The following ACACA variants were observed in gnomAD, a reference collection of about 807,000 sequenced individuals.
The protein encoded by ACACA is acetyl-CoA carboxylase alpha.
A neutral mutation model predicts 296.1 loss-of-function variants in ACACA; 103 were observed. That is an observed-to-expected ratio of 0.35 (90% CI 0.30 to 0.41). The LOEUF (loss-of-function observed/expected upper bound fraction) is 0.41, where lower values mean the gene tolerates loss of function less well. Among genes scored for constraint, ACACA ranks in the 10% least tolerant of loss-of-function variants. The pLI, the probability that ACACA is intolerant of heterozygous loss-of-function variation, is 1.00. For missense variants in ACACA, 1,554 were observed against 2,989.7 expected, an observed-to-expected ratio of 0.52 and a Z score of 11.20; for synonymous variants, 953 against 1,038.6, an observed-to-expected ratio of 0.92 and a Z score of 1.58.
At chr17:37,171,240 C>T (rs1189011110) in intron 41 of ACACA, among the ~76,000 whole-genome samples, 1 of 152,124 alleles carries the variant, frequency 6.6e-6, no homozygotes, top group Non-Finnish European at 1.5e-5. Context: ...GACTACCCTG[C>T]AAGGCCCTTG....
At chr17:37,278,082 A>C (rs2082353463) in intron 5 of ACACA, 77 bp from the exon 6 acceptor site, 2 of 1,068,568 alleles carry the variant, frequency 1.9e-6, no homozygotes, top group African/African-American at 3.1e-5. Flanking sequence ...AAACTACGTA[A>C]AGGTCAGGGA....
chr17:37,175,139 T>G (rs914657664), intron 41 of ACACA, among the ~76,000 whole-genome samples: 2 of 152,166 alleles, frequency 1.3e-5, no homozygotes, highest in African/African-American at 4.8e-5. Context: ...TTGCCCACTT[T>G]AGAGATTACT....
At chr17:37,106,265 G>A (rs1463022056) in intron 52 of ACACA, among the ~76,000 whole-genome samples, 1 of 152,150 alleles carries the variant, frequency 6.6e-6, no homozygotes. Flanking sequence ...AATGCCTTAA[G>A]GGAGCTATTT....
At chr17:37,307,163 T>A (rs2083923094) in intron 3 of ACACA, among the ~76,000 whole-genome samples, 1 of 152,360 alleles carries the variant, frequency 6.6e-6, no homozygotes, top group Middle Eastern at 3.4e-3. Flanking sequence ...TCACGGACAT[T>A]TGGGTTGTTT....
intron 54 of ACACA, 31 bp from the exon 55 acceptor site, chr17:37,089,105 A>C (rs1246396967): frequency 6.2e-7 from 1 of 1,613,960 alleles, no homozygotes; most frequent in African/African-American, 1.3e-5. Context: ...GTCAAACACC[A>C]GGGGTCAGGC....
At position 37,390,978 on chromosome 17, in the gene ACACA, T is replaced by G. The variant is rs1047397940; in HGVS notation, c.38+15284A>C. 4.6e-5 allele frequency among the ~76,000 whole-genome samples: 7 copies of G among 151,968 alleles called. No homozygotes were observed. The East Asian group carries it at 1.4e-3, about 29-fold the overall frequency. On this transcript the variant is annotated intron_variant, in intron 1 of 55. Coordinates refer to ENST00000616317, the MANE Select transcript of ACACA (RefSeq NM_198834.3). ...AAATAGGGCCAGGCGTGGTGGCTCATGCCTGTAATCCCAGCACTTTGGGAG... is the reference window on the plus strand; with the variant it reads ...AAATAGGGCCAGGCGTGGTGGCTCAGGCCTGTAATCCCAGCACTTTGGGAG...
chr17:37,382,368 T>C (rs2050334438), intron 1 of ACACA, among the ~76,000 whole-genome samples: 2 of 151,804 alleles, frequency 1.3e-5, no homozygotes. Context: ...TTTTTTTTTT[T>C]CTTTAGTGTA....
Position 37,206,773 on chromosome 17 carries a change from G to A in ACACA, c.3948+10C>T. ...GGGAACAAAGCAGTCTCCCAAAAGG[G>A]ACATTATACCTTATCCTCATCATAA... On this transcript the variant is annotated intron_variant, in intron 32 of 55. Coordinates refer to ENST00000616317, the MANE Select transcript of ACACA (RefSeq NM_198834.3). 1.3e-6 allele frequency: 2 copies of A among 1,589,190 alleles called. No individual in the cohort carries two copies. Among genetic ancestry groups the A allele is most frequent in the South Asian group, 1.1e-5 (1 of 90,496 alleles).
Position 37,111,658 on chromosome 17 carries a change from A to C in ACACA, c.6453-15T>G. On this transcript the variant is annotated splice_polypyrimidine_tract_variant and intron_variant, in intron 51 of 55. Transcript: ENST00000616317. ...GAACAGATCCCCTGGATCAGAAAGA[A>C]AGAAAAAACAAAACAGAAATAGAGG... The C allele has an allele frequency of 6.3e-7, 1 of 1,594,512 alleles. No individual in the cohort carries two copies. The highest frequency in any genetic ancestry group is 8.6e-7 in the Non-Finnish European group (1 of 1,162,262).
intron 45 of ACACA, among the ~76,000 whole-genome samples, chr17:37,140,222 G>A (rs1039711273): frequency 6.6e-6 from 1 of 152,114 alleles, no homozygotes; most frequent in African/African-American, 2.4e-5. Context: ...TAATTCTACA[G>A]CCACTTGTGA....
chr17:37,245,020 T>A, intron 20 of ACACA, 60 bp downstream of exon 20: 1 of 1,612,706 alleles, frequency 6.2e-7, no homozygotes, highest in Non-Finnish European at 8.5e-7. Flanking sequence ...CACTTGCCTC[T>A]CCAAACCACC....
chr17:37,223,704 T>C (rs2079401034), intron 27 of ACACA, 103 bp from the exon 28 acceptor site: 1 of 841,932 alleles, frequency 1.2e-6, no homozygotes, highest in African/African-American at 1.7e-5. Context: ...AAGAATTTTG[T>C]CTCTGAATGC....
intron 35 of ACACA, among the ~76,000 whole-genome samples, chr17:37,196,794 T>G (rs1691787021): frequency 6.6e-6 from 1 of 152,180 alleles, no homozygotes; most frequent in South Asian, 2.1e-4. Context: ...TCAAGAAGCC[T>G]CTTTTCCATT....
intron 49 of ACACA, 51 bp downstream of exon 49, chr17:37,122,480 G>A (rs766818340): frequency 1.4e-5 from 20 of 1,452,936 alleles, no homozygotes; most frequent in African/African-American, 2.8e-5. Context: ...CAGGCACTGC[G>A]AAGAGAAAAA....
chr17:37,352,867 G>A (rs981088728), intron 1 of ACACA, among the ~76,000 whole-genome samples: 7 of 152,120 alleles, frequency 4.6e-5, no homozygotes, highest in Non-Finnish European at 8.8e-5. Context: ...ACAGGTTAAA[G>A]CAAAAATTCC....
At chr17:37,188,529 A>C in intron 38 of ACACA, 49 bp from the exon 39 acceptor site, 1 of 1,597,096 alleles carries the variant, frequency 6.3e-7, no homozygotes, top group Non-Finnish European at 8.6e-7. Context: ...CTTCTAACTA[A>C]GACCTGTTTC....
intron 10 of ACACA, among the ~76,000 whole-genome samples, chr17:37,268,740 T>TAG (rs2081921149): frequency 1.5e-5 from 1 of 67,280 alleles, no homozygotes; most frequent in African/African-American, 6.3e-5. Context: ...TATCTATCTA[T>TAG]CTATATATAT....
chr17:37,163,675 C>T (rs1567746769), intron 41 of ACACA, among the ~76,000 whole-genome samples: 1 of 152,130 alleles, frequency 6.6e-6, no homozygotes, highest in Non-Finnish European at 1.5e-5. Context: ...TAGAATTTAC[C>T]AATGCTCAAC....
At chr17:37,325,755 G>T (rs1337841744) in intron 3 of ACACA, among the ~76,000 whole-genome samples, 1 of 151,666 alleles carries the variant, frequency 6.6e-6, no homozygotes, top group Non-Finnish European at 1.5e-5. Flanking sequence ...TGTATTTTTA[G>T]TAGAGATGGG....
Sources: gnomAD v4.1 joint callset for allele counts (sites outside exome capture counted in the v4.1 genomes callset) on GRCh38, gnomAD v4.1.1 for gene constraint, MANE v1.5 for transcripts, NCBI Gene and HGNC (gene_info 2026-07-23, HGNC 2026-07-21) for gene names.